The following MTMR10 variants were observed in gnomAD, a reference collection of about 807,000 sequenced individuals.
MTMR10 encodes the protein myotubularin-related protein 10.
A neutral mutation model predicts 88.1 loss-of-function variants in MTMR10; 56 were observed. That is an observed-to-expected ratio of 0.64 (90% CI 0.51 to 0.79). MTMR10 has a LOEUF of 0.79. Among genes scored for constraint, MTMR10 ranks in the 30% least tolerant of loss-of-function variants. MTMR10 has a pLI of 0.00. For missense variants in MTMR10, 883 were observed against 924.7 expected (o/e 0.95, Z 0.58); for synonymous variants, 380 against 340.9 (o/e 1.11, Z -1.26).
rs1595896558 is a variant in MTMR10 at position 30,939,550 on chromosome 15, AT to A, written c.*1919del. ...TCCAGCAAAAATAAAAGTATTTTAC[AT>A]TTGATTATCATACAAAAATATGCAT... On this transcript the variant is annotated 3_prime_UTR_variant, in exon 16 of 16. Coordinates refer to ENST00000435680, the MANE Select transcript of MTMR10 (RefSeq NM_017762.3). 1.0e-6 allele frequency: 1 copy of A among 968,494 alleles called. No homozygotes were observed. The highest frequency in any genetic ancestry group is 1.8e-5 in the African/African-American group (1 of 56,854). The allele number at this position is 968,494 out of a possible 1,614,324, so 60.0% of individuals were successfully genotyped here.
chr15:30,991,579 T>C lies in MTMR10; in HGVS notation c.-73A>G. 2 of 1,498,538 alleles carry C rather than the reference T, an allele frequency of 1.3e-6. No individual in the cohort carries two copies. Among genetic ancestry groups the C allele is most frequent in the South Asian group, 1.3e-5 (1 of 75,922 alleles). The allele number at this position is 1,498,538 out of a possible 1,614,324, so 92.8% of individuals were successfully genotyped here. Reference sequence around the variant, plus strand: ...GCCGACGCCTCCGGGCGTAAAGCTCTCAGTGCGGCCGCCCAGGCCCTTTCT... The same window carrying C: ...GCCGACGCCTCCGGGCGTAAAGCTCCCAGTGCGGCCGCCCAGGCCCTTTCT... On this transcript the variant is annotated 5_prime_UTR_variant, in exon 1 of 16. Transcript: ENST00000435680.
chr15:30,945,009 TAA>T (rs77847532), intron 14 of MTMR10, among the ~76,000 whole-genome samples: 7 of 137,576 alleles, frequency 5.1e-5, no homozygotes, highest in Admixed American at 1.5e-4. Context: ...CAAACTGTCT[TAA>T]AAAAAAAAAA....
rs3817498 is a variant in MTMR10 at position 30,976,578 on chromosome 15, T to C, written c.258+241A>G. On this transcript the variant is annotated intron_variant, in intron 3 of 15. Coordinates refer to ENST00000435680, the MANE Select transcript of MTMR10 (RefSeq NM_017762.3). ...TAACTTCCTTAATGAAAAGGACATA[T>C]AATGAACGATCACAGAGGATAAATA... 0.31 allele frequency among the ~76,000 whole-genome samples: 47,498 copies of C among 152,082 alleles called. 7,964 individuals are homozygous for C. The highest frequency in any genetic ancestry group is 0.38 in the African/African-American group (15,777 of 41,480).
intron 9 of MTMR10, 54 bp from the exon 10 acceptor site, chr15:30,954,947 A>G: frequency 6.9e-7 from 1 of 1,455,886 alleles, no homozygotes; most frequent in Non-Finnish European, 9.3e-7. Context: ...GCATATATTT[A>G]TTTAACCCTT....
chr15:30,960,660 C>G (rs2063389086), intron 7 of MTMR10, among the ~76,000 whole-genome samples: 1 of 152,170 alleles, frequency 6.6e-6, no homozygotes, highest in African/African-American at 2.4e-5. Flanking sequence ...TAAACACTGA[C>G]TACTGATGAC....
At chr15:30,990,327 G>T (rs1201060696) in intron 2 of MTMR10, among the ~76,000 whole-genome samples, 1 of 152,172 alleles carries the variant, frequency 6.6e-6, no homozygotes, top group African/African-American at 2.4e-5. Context: ...TCTCTGCTGG[G>T]AAAAGCCTGG....
At chr15:30,965,051 G>C (rs1281157446) in intron 6 of MTMR10, among the ~76,000 whole-genome samples, 1 of 152,188 alleles carries the variant, frequency 6.6e-6, no homozygotes, top group African/African-American at 2.4e-5. Flanking sequence ...CAACAAAGTG[G>C]TTCTTAACTG....
chr15:30,919,161 A>G, the MTMR10 span, among the ~76,000 whole-genome samples: 1 of 152,078 alleles, frequency 6.6e-6, no homozygotes, highest in African/African-American at 2.4e-5. Context: ...CTGGCAGATC[A>G]CCTGAGGTCG....
intron 2 of MTMR10, among the ~76,000 whole-genome samples, chr15:30,986,161 A>G (rs537877725): frequency 6.6e-6 from 1 of 152,122 alleles, no homozygotes; most frequent in South Asian, 2.1e-4. Context: ...CACAAAAAAT[A>G]CAAAAATTAG....
At chr15:30,933,310 T>G in the MTMR10 span, among the ~76,000 whole-genome samples, 1 of 152,212 alleles carries the variant, frequency 6.6e-6, no homozygotes, top group African/African-American at 2.4e-5. Context: ...CCTCACAAAT[T>G]TAGTAGTTGT....
At chr15:30,965,393 C>G (rs949390149) in intron 6 of MTMR10, among the ~76,000 whole-genome samples, 1 of 152,228 alleles carries the variant, frequency 6.6e-6, no homozygotes, top group Non-Finnish European at 1.5e-5. Flanking sequence ...AGCAGGATGT[C>G]TGTCATGAAG....
chr15:30,924,667 T>C, the MTMR10 span, among the ~76,000 whole-genome samples: 3 of 152,206 alleles, frequency 2.0e-5, no homozygotes, highest in Non-Finnish European at 2.9e-5. Flanking sequence ...TCCATGGTTC[T>C]TGACTGCATA....
At chr15:30,956,001 GTTTT>G (rs36077293) in intron 9 of MTMR10, among the ~76,000 whole-genome samples, 2 of 146,262 alleles carry the variant, frequency 1.4e-5, no homozygotes. Context: ...CCCTGCTGTT[GTTTT>G]TTTTTTTCCT....
intron 5 of MTMR10, among the ~76,000 whole-genome samples, chr15:30,970,020 G>A (rs764742530): frequency 2.6e-5 from 4 of 152,110 alleles, no homozygotes; most frequent in East Asian, 3.8e-4. Flanking sequence ...AATATAAAGC[G>A]TCTCTTTAGT....
chr15:30,965,534 A>AATAATCTGACTGATGAAAAC (rs1470016269), intron 6 of MTMR10, among the ~76,000 whole-genome samples: 1 of 152,228 alleles, frequency 6.6e-6, no homozygotes, highest in East Asian at 1.9e-4. Context: ...TTTGCCCAAT[A>AATAATCTGACTGATGAAAAC]ATAATCTGAC....
Position 30,941,326 on chromosome 15 carries a change from A to G in MTMR10, c.*144T>C. 6.5e-7 allele frequency: 1 copy of G among 1,531,672 alleles called. No homozygotes were observed. Among genetic ancestry groups the G allele is most frequent in the Non-Finnish European group, 8.7e-7 (1 of 1,143,950 alleles). 94.9% of individuals were successfully genotyped at this position (1,531,672 alleles called of 1,614,324 possible). On this transcript the variant is annotated 3_prime_UTR_variant, in exon 16 of 16. Coordinates refer to ENST00000435680, the MANE Select transcript of MTMR10 (RefSeq NM_017762.3). Reference sequence around the variant, plus strand: ...AATAAGTGTGAAAGAAGCATGATTCAACATGTTTTTAAATATTAGTGCAAA... The same window carrying G: ...AATAAGTGTGAAAGAAGCATGATTCGACATGTTTTTAAATATTAGTGCAAA...
chr15:30,927,955 G>A, the MTMR10 span: 1 of 985,876 alleles, frequency 1.0e-6, no homozygotes, highest in Non-Finnish European at 1.2e-6. Context: ...GAGGGGCACT[G>A]AAGTGGGTGA....
chr15:30,967,895 C>G (rs775028228), intron 6 of MTMR10, 25 bp downstream of exon 6: 2 of 1,502,406 alleles, frequency 1.3e-6, no homozygotes, highest in South Asian at 2.5e-5. Flanking sequence ...AAATTAGTCA[C>G]AATATTTAAT....
chr15:30,921,946 G>GCACT, the MTMR10 span, among the ~76,000 whole-genome samples: 1 of 152,154 alleles, frequency 6.6e-6, no homozygotes, highest in Admixed American at 6.5e-5. Flanking sequence ...GTGCGACTCT[G>GCACT]CACTGGTTGA....
Sources: gnomAD v4.1 joint callset for allele counts (sites outside exome capture counted in the v4.1 genomes callset) on GRCh38, gnomAD v4.1.1 for gene constraint, MANE v1.5 for transcripts, NCBI Gene and HGNC (gene_info 2026-07-23, HGNC 2026-07-21) for gene names.